The following IARS2 variants were observed in gnomAD, a reference collection of about 807,000 sequenced individuals.
IARS2 encodes isoleucyl-tRNA synthetase 2, mitochondrial, also known as isoleucine--tRNA ligase, mitochondrial.
IARS2 carries 56 observed loss-of-function variants against 126.3 expected under a neutral mutation model. The ratio of observed to expected loss-of-function variants is 0.44; its 90% confidence interval spans 0.36 to 0.55. The LOEUF (loss-of-function observed/expected upper bound fraction) is 0.55. Ranked by LOEUF, IARS2 falls within the 20% of genes least tolerant of loss-of-function variation. The pLI, the probability that IARS2 is intolerant of heterozygous loss-of-function variation, is 0.00. For missense variants in IARS2, 1,127 were observed against 1,245.9 expected (o/e 0.90, Z 1.44); for synonymous variants, 407 against 441.1 (o/e 0.92, Z 0.97).
intron 12 of IARS2, among the ~76,000 whole-genome samples, chr1:220,114,993 A>G (rs966057242): frequency 1.3e-5 from 2 of 151,270 alleles, no homozygotes; most frequent in Non-Finnish European, 2.9e-5. Context: ...TGAACAATTC[A>G]TAGTAGAAAA....
intron 1 of IARS2, among the ~76,000 whole-genome samples, 169 bp downstream of exon 1, chr1:220,094,652 C>G (rs1467300635): frequency 3.9e-5 from 6 of 152,192 alleles, no homozygotes; most frequent in African/African-American, 1.4e-4. Context: ...GGCTGAAAAC[C>G]TAAGTGAAGA....
rs182075799 is a variant in IARS2, at chr1:220,118,935, T to C, written c.1640+4461T>C. 8.7e-4 allele frequency among the ~76,000 whole-genome samples: 132 copies of C among 152,286 alleles called. 1 individual carries two copies. The highest frequency in any genetic ancestry group is 1.5e-4 in the Non-Finnish European group (10 of 68,000). On this transcript the variant is annotated intron_variant, in intron 12 of 22. Transcript: ENST00000366922. Reference sequence around the variant, plus strand: ...GAATTTCCCCTTCCAAATTTCACATTGTTCTAGAATTAAATTTAGTAAACA... The same window carrying C: ...GAATTTCCCCTTCCAAATTTCACATCGTTCTAGAATTAAATTTAGTAAACA...
At chr1:220,121,689 C>T (rs1657054656) in intron 12 of IARS2, among the ~76,000 whole-genome samples, 2 of 152,136 alleles carry the variant, frequency 1.3e-5, no homozygotes, top group East Asian at 1.9e-4. Flanking sequence ...AAGTGATCCT[C>T]CTGCCTTGGC....
intron 10 of IARS2, 85 bp from the exon 11 acceptor site, chr1:220,110,701 T>A (rs2102822836): frequency 9.6e-7 from 1 of 1,043,684 alleles, no homozygotes; most frequent in Non-Finnish European, 1.4e-6. Context: ...GCTGCAGATT[T>A]AGTATTTTCT....
intron 8 of IARS2, among the ~76,000 whole-genome samples, chr1:220,104,296 C>T (rs1431999028): frequency 2.0e-5 from 3 of 151,996 alleles, no homozygotes; most frequent in African/African-American, 7.2e-5. Context: ...TCTTTGTGAG[C>T]TATAATTTGG....
intron 12 of IARS2, chr1:220,117,712 T>C (rs1186699449): frequency 9.8e-6 from 4 of 410,084 alleles, no homozygotes; most frequent in South Asian, 3.7e-5. Flanking sequence ...TAAATAAATA[T>C]GAGCTTTGTC....
At chr1:220,124,709 G>C (rs183741296) in intron 12 of IARS2, among the ~76,000 whole-genome samples, 2 of 152,314 alleles carry the variant, frequency 1.3e-5, no homozygotes, top group Non-Finnish European at 2.9e-5. Context: ...CCTGTAAGCA[G>C]GGAGGGAGTC....
At chr1:220,114,727 TA>T (rs1192003058) in intron 12 of IARS2, among the ~76,000 whole-genome samples, 1 of 152,036 alleles carries the variant, frequency 6.6e-6, no homozygotes, top group Non-Finnish European at 1.5e-5. Flanking sequence ...TATTGGGCTG[TA>T]TTAAGGTATC....
At chr1:220,128,316 T>G (rs967027027) in intron 14 of IARS2, among the ~76,000 whole-genome samples, 2 of 152,162 alleles carry the variant, frequency 1.3e-5, no homozygotes, top group African/African-American at 4.8e-5. Flanking sequence ...ACTACTGTAT[T>G]TTTACTGTAC....
At chr1:220,137,844 T>C in intron 16 of IARS2, 74 bp from the exon 17 acceptor site, 1 of 1,544,500 alleles carries the variant, frequency 6.5e-7, no homozygotes, top group South Asian at 1.1e-5. Flanking sequence ...GAATAGGAGC[T>C]TTACCTAAAA....
intron 17 of IARS2, 26 bp downstream of exon 17, chr1:220,138,069 C>A (rs1302163737): frequency 6.2e-7 from 1 of 1,607,360 alleles, no homozygotes; most frequent in East Asian, 2.2e-5. Context: ...CTTCCTATTT[C>A]TAAAGGACAA....
chr1:220,101,190 A>G (rs1571844399), intron 3 of IARS2, among the ~76,000 whole-genome samples: 1 of 152,276 alleles, frequency 6.6e-6, no homozygotes, highest in East Asian at 1.9e-4. Context: ...TGTATAATGA[A>G]ATGAAAATTG....
chr1:220,105,978 CA>C lies in IARS2; in HGVS notation c.1158del (p.Gly387GlufsTer18). 6.2e-7 allele frequency: 1 copy of C among 1,614,036 alleles called. No homozygotes were observed. The highest frequency in any genetic ancestry group is 8.5e-7 in the Non-Finnish European group (1 of 1,179,930). On this transcript the variant is annotated frameshift_variant, in exon 9 of 23. Coordinates refer to ENST00000366922, the MANE Select transcript of IARS2 (RefSeq NM_018060.4). LOFTEE classifies it high-confidence loss of function. The stretch of plus-strand genomic sequence containing the variant: ...TTACCTGCAAATCATGTGACCATGG[CA>C]AAAGGAACGGGATTGGTTCACACAG... ...PLLPANHVTM[A>X]KGTGLVHTAP...
chr1:220,112,918 C>T (rs540791005), intron 11 of IARS2, among the ~76,000 whole-genome samples: 2 of 152,214 alleles, frequency 1.3e-5, no homozygotes, highest in Admixed American at 1.3e-4. Context: ...GGCTGGAGTG[C>T]AGTGATGTGA....
At chr1:220,108,139 C>A (rs1571847892) in intron 10 of IARS2, among the ~76,000 whole-genome samples, 1 of 151,916 alleles carries the variant, frequency 6.6e-6, no homozygotes, top group South Asian at 2.1e-4. Flanking sequence ...CAGCTCACTG[C>A]AACCTCTGCC....
chr1:220,134,165 A>G (rs1351020862), intron 14 of IARS2, among the ~76,000 whole-genome samples: 1 of 152,180 alleles, frequency 6.6e-6, no homozygotes, highest in Non-Finnish European at 1.5e-5. Flanking sequence ...CACAGAAAGG[A>G]TACTGTGTTT....
intron 10 of IARS2, among the ~76,000 whole-genome samples, chr1:220,108,351 C>T (rs1443699221): frequency 2.0e-5 from 3 of 151,506 alleles, no homozygotes; most frequent in Non-Finnish European, 2.9e-5. Flanking sequence ...CGTGAGCCCT[C>T]ACTGTGTCAG....
intron 14 of IARS2, among the ~76,000 whole-genome samples, chr1:220,133,605 G>A (rs1282825991): frequency 6.6e-6 from 1 of 152,118 alleles, no homozygotes; most frequent in Non-Finnish European, 1.5e-5. Context: ...TGTGAGTTTA[G>A]ATTTAAAATA....
Position 220,138,030 on chromosome 1 carries a change from A to T in IARS2, c.2162A>T (p.Asp721Val). The change falls in exon 17 of 23, where the codon GAT (aspartate) becomes GTT (valine). Residue 721 changes from aspartate to valine, a missense_variant. Transcript: ENST00000366922. ...IGPSVLNAAR[D>V]DISKLRNTLR... The stretch of plus-strand genomic sequence containing the variant: ...CCATCCGTGCTCAATGCTGCCAGAG[A>T]TGATATTAGCAAGGTTAGAACTATT... 6.2e-7 allele frequency: 1 copy of T among 1,614,110 alleles called. No homozygotes were observed. The highest frequency in any genetic ancestry group is 8.5e-7 in the Non-Finnish European group (1 of 1,179,994).
Sources: gnomAD v4.1 joint callset for allele counts (sites outside exome capture counted in the v4.1 genomes callset) on GRCh38, gnomAD v4.1.1 for gene constraint, MANE v1.5 for transcripts, NCBI Gene and HGNC (gene_info 2026-07-23, HGNC 2026-07-21) for gene names.